The following LRRC37A2 variants were observed in gnomAD, a reference collection of about 807,000 sequenced individuals.
LRRC37A2 encodes the protein leucine-rich repeat-containing protein 37A2.
A neutral mutation model predicts 68.8 loss-of-function variants in LRRC37A2; 9 were observed. That is an observed-to-expected ratio of 0.13 (90% confidence interval 0.08 to 0.23). The LOEUF is 0.23. Among genes scored for constraint, LRRC37A2 ranks in the 10% least tolerant of loss-of-function variants. The pLI is 1.00. For missense variants in LRRC37A2, 168 were observed against 950.4 expected, an observed-to-expected ratio of 0.18 and a Z score of 10.82; for synonymous variants, 63 against 367.6, an observed-to-expected ratio of 0.17 and a Z score of 9.48.
chr17:47,031,289 G>A, the LRRC37A2 span, among the ~76,000 whole-genome samples: 1 of 148,380 alleles, frequency 6.7e-6, no homozygotes, highest in Non-Finnish European at 1.5e-5. Context: ...ATTGGGGAAA[G>A]GAGGACATTT....
chr17:46,789,191 A>G, the LRRC37A2 span, among the ~76,000 whole-genome samples: 1 of 151,988 alleles, frequency 6.6e-6, no homozygotes, highest in Non-Finnish European at 1.5e-5. Context: ...TCTCCTCTTT[A>G]TGGGGGCCCA....
chr17:46,631,038 C>T, the LRRC37A2 span, among the ~76,000 whole-genome samples: 1 of 139,212 alleles, frequency 7.2e-6, no homozygotes, highest in Non-Finnish European at 1.5e-5. Flanking sequence ...CTGTCTTCCT[C>T]TCTGGGTCTC....
chr17:47,007,383 T>C, the LRRC37A2 span, among the ~76,000 whole-genome samples: 1 of 152,218 alleles, frequency 6.6e-6, no homozygotes, highest in Non-Finnish European at 1.5e-5. Context: ...TTCACCATGT[T>C]GGCCAGGCTG....
chr17:46,558,553 ATTTTT>A (rs58227880), downstream of LRRC37A2, among the ~76,000 whole-genome samples: 14 of 100,230 alleles, frequency 1.4e-4, no homozygotes, highest in East Asian at 3.8e-4. Flanking sequence ...TGCCCGGCCA[ATTTTT>A]TTTTTTTTTT....
At chr17:46,931,626 A>G in the LRRC37A2 span, 1 of 286,964 alleles carries the variant, frequency 3.5e-6, no homozygotes. Flanking sequence ...ATACTCCAGC[A>G]TGAAATTAAA....
chr17:46,722,138 C>T, the LRRC37A2 span: 4 of 1,611,922 alleles, frequency 2.5e-6, no homozygotes, highest in Non-Finnish European at 1.7e-6. Flanking sequence ...CGCCATTGGG[C>T]TTCACGATCT....
the LRRC37A2 span, among the ~76,000 whole-genome samples, chr17:46,898,041 G>A: frequency 6.6e-6 from 1 of 152,174 alleles, no homozygotes; most frequent in East Asian, 1.9e-4. Flanking sequence ...GGGTGTCCTG[G>A]AGGAGGTTGT....
chr17:46,913,520 C>T, the LRRC37A2 span, among the ~76,000 whole-genome samples: 51 of 152,224 alleles, frequency 3.4e-4, no homozygotes, highest in African/African-American at 1.1e-3. Context: ...ATAGCTTAGG[C>T]CTGAGACAGA....
At chr17:46,710,777 T>G in the LRRC37A2 span, among the ~76,000 whole-genome samples, 1 of 151,462 alleles carries the variant, frequency 6.6e-6, no homozygotes, top group African/African-American at 2.4e-5. Flanking sequence ...CCAAAGCAGC[T>G]TTTTTTTTCC....
the LRRC37A2 span, among the ~76,000 whole-genome samples, chr17:46,684,691 C>T: frequency 3.2e-4 from 48 of 149,930 alleles, no homozygotes; most frequent in Non-Finnish European, 2.7e-4. Context: ...GGAAAACTGG[C>T]TAGCCATATG....
the LRRC37A2 span, among the ~76,000 whole-genome samples, chr17:46,859,850 T>C: frequency 6.6e-6 from 1 of 152,240 alleles, no homozygotes. Context: ...TATTTAGAGC[T>C]TTTGTAATTT....
At chr17:46,847,661 A>C in the LRRC37A2 span, among the ~76,000 whole-genome samples, 1 of 152,098 alleles carries the variant, frequency 6.6e-6, no homozygotes, top group Non-Finnish European at 1.5e-5. Context: ...CAGCATGGGC[A>C]CCTTCCCTCG....
chr17:46,492,977 A>T, the LRRC37A2 span, among the ~76,000 whole-genome samples: 2 of 146,034 alleles, frequency 1.4e-5, no homozygotes, highest in Non-Finnish European at 3.0e-5. Context: ...TACAGACGTG[A>T]GCCACTGCGC....
At chr17:46,790,194 G>C in the LRRC37A2 span, among the ~76,000 whole-genome samples, 2 of 152,116 alleles carry the variant, frequency 1.3e-5, no homozygotes, top group African/African-American at 4.8e-5. Flanking sequence ...CCTTGCTTTA[G>C]CTCTGTCCTC....
chr17:47,017,819 C>T, the LRRC37A2 span: 2 of 1,609,932 alleles, frequency 1.2e-6, no homozygotes, highest in Non-Finnish European at 1.7e-6. Context: ...CTCCAGGGCC[C>T]TCTGAGCAAG....
At chr17:46,764,950 C>T in the LRRC37A2 span, among the ~76,000 whole-genome samples, 1 of 152,230 alleles carries the variant, frequency 6.6e-6, no homozygotes, top group Non-Finnish European at 1.5e-5. Flanking sequence ...TGGCCGAGGG[C>T]CCAGTCCCCA....
At chr17:47,017,232 T>C in the LRRC37A2 span, 10 of 1,611,754 alleles carry the variant, frequency 6.2e-6, no homozygotes, top group Admixed American at 1.2e-4. Flanking sequence ...GTGTGTCATG[T>C]CCCGGCTGCG....
chr17:46,941,414 C>CT, the LRRC37A2 span: 9 of 983,624 alleles, frequency 9.1e-6, no homozygotes, highest in East Asian at 1.1e-4. Flanking sequence ...TAATGGCCCC[C>CT]TTTTTTTATG....
the LRRC37A2 span, among the ~76,000 whole-genome samples, chr17:46,854,067 C>T: frequency 1.3e-5 from 2 of 152,098 alleles, no homozygotes; most frequent in East Asian, 3.9e-4. Flanking sequence ...AAAGAGCTGA[C>T]AAAAGACACA....
Sources: gnomAD v4.1 joint callset for allele counts (sites outside exome capture counted in the v4.1 genomes callset) on GRCh38, gnomAD v4.1.1 for gene constraint, MANE v1.5 for transcripts, NCBI Gene and HGNC (gene_info 2026-07-23, HGNC 2026-07-21) for gene names.